Variants in SOX5 observed in about 807,000 individuals in gnomAD.
The protein encoded by SOX5 is transcription factor SOX-5.
Under a neutral mutation model 92.0 loss-of-function variants are expected in SOX5, and 9 were observed. The observed-to-expected ratio is 0.10, with a 90% CI of 0.06 to 0.17. The LOEUF is 0.17. Among genes scored for constraint, SOX5 ranks in the 10% least tolerant of loss-of-function variants. SOX5 has a pLI of 1.00. For synonymous variants in SOX5, 344 were observed against 336.3 expected (o/e 1.02, Z -0.25); for missense variants, 642 against 944.5 (o/e 0.68, Z 4.20).
chr12:24,559,015 A>T (rs1597938595), intron 1 of SOX5, among the ~76,000 whole-genome samples: 1 of 152,338 alleles, frequency 6.6e-6, no homozygotes, highest in Non-Finnish European at 1.5e-5. Context: ...ATCCCAAATC[A>T]TTAACATATG....
chr12:23,950,960 A>T, upstream of SOX5: 3 of 1,104,982 alleles, frequency 2.7e-6, no homozygotes, highest in Non-Finnish European at 4.0e-6. Context: ...GATAGTGTGC[A>T]TTCTTCACAC....
rs200787654 is a variant in SOX5 at position 24,460,812 on chromosome 12, A to G, written c.-250-92173T>C. The G allele has an allele frequency of 2.0e-5, 3 of 152,304 alleles. No homozygotes were observed. The East Asian group carries it at 5.8e-4, about 29-fold the overall frequency. The allele number at this position is 152,304 out of a possible 1,614,324, so 9.4% of individuals were successfully genotyped here. On this transcript the variant is annotated intron_variant, in intron 1 of 4. Transcript: ENST00000446891. ...AAAAAACAAGAAAGCAGCAGTGGTAACAGCTCCTTTGTGGTAGTTTCCTCC... is the reference window on the plus strand; with the variant it reads ...AAAAAACAAGAAAGCAGCAGTGGTAGCAGCTCCTTTGTGGTAGTTTCCTCC...
At chr12:24,358,452 T>C (rs1449749424) in intron 2 of SOX5, among the ~76,000 whole-genome samples, 1 of 151,876 alleles carries the variant, frequency 6.6e-6, no homozygotes, top group African/African-American at 2.4e-5. Context: ...CAAGAAATAA[T>C]ACTTAACTGC....
intron 4 of SOX5, among the ~76,000 whole-genome samples, chr12:24,206,941 G>A (rs1033731577): frequency 6.6e-5 from 10 of 152,150 alleles, no homozygotes; most frequent in African/African-American, 1.9e-4. Context: ...CAACTGTGCC[G>A]AACACCTGTG....
chr12:23,884,031 C>T (rs1447698278), intron 2 of SOX5, among the ~76,000 whole-genome samples: 3 of 152,018 alleles, frequency 2.0e-5, no homozygotes, highest in African/African-American at 7.2e-5. Flanking sequence ...GCATTGAAGC[C>T]AGCTGACGTT....
chr12:24,199,899 G>C (rs1016434375), intron 4 of SOX5, among the ~76,000 whole-genome samples: 1 of 151,860 alleles, frequency 6.6e-6, no homozygotes, highest in Non-Finnish European at 1.5e-5. Flanking sequence ...TATTCTGACA[G>C]AAGTAAGTAA....
intron 2 of SOX5, among the ~76,000 whole-genome samples, chr12:24,348,020 G>C (rs958457202): frequency 8.9e-6 from 1 of 111,848 alleles, no homozygotes; most frequent in African/African-American, 3.6e-5. Context: ...TTTTCAGGTT[G>C]CAATTTCTTC....
chr12:24,087,810 TG>T (rs1944190512), intron 4 of SOX5, among the ~76,000 whole-genome samples: 1 of 152,066 alleles, frequency 6.6e-6, no homozygotes, highest in Non-Finnish European at 1.5e-5. Flanking sequence ...AAAATATTGT[TG>T]GGGGTTAGTA....
intron 1 of SOX5, among the ~76,000 whole-genome samples, chr12:24,462,551 G>C (rs1943759017): frequency 6.6e-6 from 1 of 152,124 alleles, no homozygotes; most frequent in Non-Finnish European, 1.5e-5. Flanking sequence ...AGTAAGCCTA[G>C]GCTAATAGGA....
chr12:23,563,262 T>G lies in SOX5; in HGVS notation c.1484A>C (p.Glu495Ala). The G allele has an allele frequency of 6.2e-7, 1 of 1,609,790 alleles. No homozygotes were observed. The highest frequency in any genetic ancestry group is 8.5e-7 in the Non-Finnish European group (1 of 1,178,192). Residue 495 changes from glutamate (E) to alanine (A), a missense_variant, in exon 11 of 15, where the codon GAA (glutamate) becomes GCA (alanine). Physicochemically the swap from Glu to Ala is moderately radical, Grantham distance 107 (BLOSUM62 -1). Around this residue, in one of 8 missense-constraint regions of SOX5, gnomAD observed 324 missense variants for 461.6 expected, o/e 0.70. Transcript: ENST00000451604. The stretch of plus-strand genomic sequence containing the variant: ...TAAGTTATTTTATGAACTGACCTTT[T>G]CTGTTCGGCAGTTATTGAGACCCAG... ...NSLGLNNCRT[E>A]KEKTTLESLT... is the part of the protein sequence containing the mutation.
At chr12:24,539,807 C>T (rs1452821369) in intron 1 of SOX5, among the ~76,000 whole-genome samples, 1 of 152,050 alleles carries the variant, frequency 6.6e-6, no homozygotes, top group Non-Finnish European at 1.5e-5. Flanking sequence ...TTTCATTTTA[C>T]TCATAAGTCA....
At chr12:23,606,331 GTATTGTA>G (rs1272051091) in intron 8 of SOX5, among the ~76,000 whole-genome samples, 1 of 151,634 alleles carries the variant, frequency 6.6e-6, no homozygotes, top group Non-Finnish European at 1.5e-5. Flanking sequence ...ATTTCATATT[GTATTGTA>G]TATTGTATTC....
intron 4 of SOX5, among the ~76,000 whole-genome samples, chr12:24,186,701 A>G (rs975997751): frequency 3.3e-5 from 5 of 152,176 alleles, no homozygotes; most frequent in Non-Finnish European, 5.9e-5. Flanking sequence ...AGTAGGCTCT[A>G]AAACTATTAC....
At chr12:23,945,259 C>G (rs1011760535) in intron 1 of SOX5, among the ~76,000 whole-genome samples, 1 of 152,024 alleles carries the variant, frequency 6.6e-6, no homozygotes, top group Admixed American at 6.6e-5. Flanking sequence ...ATGTATGATG[C>G]GTATACAAGA....
chr12:23,642,744 G>C (rs1198237173), intron 7 of SOX5, among the ~76,000 whole-genome samples: 3 of 152,196 alleles, frequency 2.0e-5, no homozygotes, highest in Non-Finnish European at 2.9e-5. Context: ...ACTTGGGTGG[G>C]AGGTTGAGAG....
chr12:23,595,618 CAAAAAAAAAAAAAAA>C (rs747265656), intron 9 of SOX5, among the ~76,000 whole-genome samples: 1 of 46,310 alleles, frequency 2.2e-5, no homozygotes. Flanking sequence ...GACTCTGCCT[CAAAAAAAAAAAAAAA>C]AAAAAAAAAA....
intron 3 of SOX5, among the ~76,000 whole-genome samples, chr12:23,790,160 T>A (rs1446900224): frequency 6.6e-6 from 1 of 152,098 alleles, no homozygotes; most frequent in Non-Finnish European, 1.5e-5. Flanking sequence ...GAAAAACAAA[T>A]GTATGAAATA....
chr12:23,667,940 C>T (rs1304360638), intron 6 of SOX5, among the ~76,000 whole-genome samples: 1 of 152,162 alleles, frequency 6.6e-6, no homozygotes, highest in Non-Finnish European at 1.5e-5. Flanking sequence ...TCTGTATTTG[C>T]AAATTTGCCT....
chr12:23,920,744 G>C (rs1334264091), intron 1 of SOX5: 1 of 152,048 alleles, frequency 6.6e-6, no homozygotes, highest in East Asian at 1.9e-4. Context: ...ATCTTACCTA[G>C]TCCTGAATTT....
Sources: allele counts gnomAD v4.1 joint callset (sites outside exome capture counted in the v4.1 genomes callset), GRCh38; gene constraint gnomAD v4.1.1; regional missense constraint gnomAD v4.1.1; transcripts MANE v1.5; gene names NCBI Gene and HGNC (gene_info 2026-07-23, HGNC 2026-07-21).